Variants in OR2L13 observed in about 807,000 individuals in gnomAD.
The protein encoded by OR2L13 is olfactory receptor family 2 subfamily L member 13.
A neutral mutation model predicts 15.3 loss-of-function variants in OR2L13; 14 were observed. That is an observed-to-expected ratio of 0.91 (90% CI 0.60 to 1.43). OR2L13 has a LOEUF of 1.43. Among genes scored for constraint, OR2L13 ranks in the 40% most tolerant of loss-of-function variants. OR2L13 has a pLI of 0.00. For synonymous variants in OR2L13, 152 were observed against 142.9 expected (o/e 1.06, Z -0.45); for missense variants, 367 against 387.9 (o/e 0.95, Z 0.45).
At chr1:247,992,423 T>C in the OR2L13 span, among the ~76,000 whole-genome samples, 2 of 152,160 alleles carry the variant, frequency 1.3e-5, no homozygotes, top group Admixed American at 1.3e-4. Context: ...TGAGAGTACA[T>C]GTGGATATTT....
chr1:248,047,368 T>A, the OR2L13 span, among the ~76,000 whole-genome samples: 8,159 of 152,206 alleles, frequency 0.054, 286 homozygotes, highest in East Asian at 0.16. Flanking sequence ...TCTAATGAAA[T>A]GCCTGGAAAG....
At chr1:248,066,841 C>T in the OR2L13 span, among the ~76,000 whole-genome samples, 2 of 152,204 alleles carry the variant, frequency 1.3e-5, no homozygotes, top group Non-Finnish European at 2.9e-5. Context: ...GTGAAGCTAG[C>T]AGTGCCAATT....
chr1:248,015,848 G>T, the OR2L13 span, among the ~76,000 whole-genome samples: 7 of 152,138 alleles, frequency 4.6e-5, no homozygotes, highest in Non-Finnish European at 1.0e-4. Context: ...GCCATATTTT[G>T]TAATGAATAA....
the OR2L13 span, among the ~76,000 whole-genome samples, chr1:248,002,787 G>C: frequency 2.3e-4 from 35 of 151,866 alleles, no homozygotes; most frequent in Non-Finnish European, 3.5e-4. Flanking sequence ...GAACCCGGGA[G>C]GCAGAGCTTG....
At chr1:248,070,355 C>T in the OR2L13 span, among the ~76,000 whole-genome samples, 2 of 151,584 alleles carry the variant, frequency 1.3e-5, no homozygotes, top group Non-Finnish European at 1.5e-5. Context: ...GGAAACTGAA[C>T]AACCTGCTCC....
the OR2L13 span, among the ~76,000 whole-genome samples, chr1:247,942,581 T>A: frequency 6.6e-6 from 1 of 152,158 alleles, no homozygotes; most frequent in Non-Finnish European, 1.5e-5. Flanking sequence ...CTAAATTTTC[T>A]ATAAAAAATT....
At chr1:247,991,236 T>C in the OR2L13 span, 1 of 1,410,394 alleles carries the variant, frequency 7.1e-7, no homozygotes, top group Non-Finnish European at 9.9e-7. Context: ...GTCAAAGCGC[T>C]AGGTTCATAT....
At chr1:248,017,798 C>T in the OR2L13 span, among the ~76,000 whole-genome samples, 651 of 152,152 alleles carry the variant, frequency 4.3e-3, 2 homozygotes, top group African/African-American at 0.015. Context: ...CTTCGTGATT[C>T]CGTCTCTAGA....
At chr1:247,992,903 T>G in the OR2L13 span, among the ~76,000 whole-genome samples, 81 of 152,272 alleles carry the variant, frequency 5.3e-4, no homozygotes, top group African/African-American at 1.7e-3. Flanking sequence ...AGCACTGGAA[T>G]TTCTAGGTCA....
the OR2L13 span, among the ~76,000 whole-genome samples, chr1:248,049,353 A>G: frequency 7.2e-5 from 11 of 152,344 alleles, no homozygotes; most frequent in African/African-American, 2.4e-4. Context: ...TTTTGACTTC[A>G]AAAGTTAGTA....
the OR2L13 span, among the ~76,000 whole-genome samples, chr1:248,046,089 TTAAAG>T: frequency 2.0e-3 from 302 of 152,198 alleles, 1 homozygote; most frequent in Non-Finnish European, 3.5e-3. Flanking sequence ...TCGAGAACAT[TTAAAG>T]TACTCTACTG....
chr1:248,061,856 A>G, the OR2L13 span: 3,676 of 359,742 alleles, frequency 0.01, 126 homozygotes, highest in African/African-American at 0.07. Context: ...ACTTTTACTA[A>G]TATGTTGTCA....
chr1:247,962,363 C>T, the OR2L13 span, among the ~76,000 whole-genome samples: 1 of 152,146 alleles, frequency 6.6e-6, no homozygotes, highest in Non-Finnish European at 1.5e-5. Flanking sequence ...CAAGTATCTA[C>T]CATTCACAGA....
the OR2L13 span, among the ~76,000 whole-genome samples, chr1:247,966,806 C>G: frequency 2.0e-5 from 3 of 152,078 alleles, no homozygotes; most frequent in Non-Finnish European, 4.4e-5. Flanking sequence ...AATAATGTTT[C>G]TTTAAGAAAA....
chr1:248,036,901 C>G, the OR2L13 span, among the ~76,000 whole-genome samples: 1 of 152,046 alleles, frequency 6.6e-6, no homozygotes, highest in African/African-American at 2.4e-5. Context: ...TACTTATGAT[C>G]CCTTCATATG....
chr1:247,965,305 T>C, the OR2L13 span: 1 of 1,471,320 alleles, frequency 6.8e-7, no homozygotes, highest in Non-Finnish European at 9.0e-7. Context: ...CATTTTACTT[T>C]CTCTTAAGGG....
the OR2L13 span, among the ~76,000 whole-genome samples, chr1:247,969,394 G>A: frequency 6.6e-6 from 1 of 152,176 alleles, no homozygotes; most frequent in East Asian, 1.9e-4. Flanking sequence ...ATTGCTTTTG[G>A]TGTTTTAGTC....
At chr1:247,970,987 C>A in the OR2L13 span, among the ~76,000 whole-genome samples, 132,145 of 152,170 alleles carry the variant, frequency 0.87, 58,280 homozygotes, top group South Asian at 0.97. Flanking sequence ...ATGTCCTTCA[C>A]TCCTTTACTG....
At chr1:247,959,527 C>A in the OR2L13 span, among the ~76,000 whole-genome samples, 1 of 151,782 alleles carries the variant, frequency 6.6e-6, no homozygotes, top group Non-Finnish European at 1.5e-5. Context: ...GGATAATATC[C>A]TGCAGAGTGT....
Sources: allele counts gnomAD v4.1 joint callset (sites outside exome capture counted in the v4.1 genomes callset), GRCh38; gene constraint gnomAD v4.1.1; transcripts MANE v1.5; gene names NCBI Gene and HGNC (gene_info 2026-07-23, HGNC 2026-07-21).